The following ATXN1 variants were observed in gnomAD, a reference collection of about 807,000 sequenced individuals.
ATXN1 encodes the protein ataxin-1.
A neutral mutation model predicts 56.4 loss-of-function variants in ATXN1; 8 were observed. That is an observed-to-expected ratio of 0.14 (90% CI 0.08 to 0.26). ATXN1 has a LOEUF of 0.26. ATXN1 is among the 10% of genes least tolerant of loss of function. The pLI is 1.00. For missense variants in ATXN1, 987 were observed against 1,106.5 expected (o/e 0.89, Z 1.53); for synonymous variants, 514 against 494.6 (o/e 1.04, Z -0.52).
chr6:16,352,135 AAT>A (rs1295991848), intron 6 of ATXN1, among the ~76,000 whole-genome samples: 4 of 152,172 alleles, frequency 2.6e-5, no homozygotes, highest in Admixed American at 6.5e-5. Context: ...TTTCGCGAAT[AAT>A]ATAGTTTGCT....
At chr6:16,398,450 T>A (rs1049810912) in intron 6 of ATXN1, among the ~76,000 whole-genome samples, 5 of 152,140 alleles carry the variant, frequency 3.3e-5, no homozygotes, top group Non-Finnish European at 7.4e-5. Flanking sequence ...ATGGTGAAAA[T>A]AATATATATG....
intron 2 of ATXN1, among the ~76,000 whole-genome samples, chr6:16,726,138 T>C (rs987696854): frequency 6.6e-6 from 1 of 152,184 alleles, no homozygotes; most frequent in African/African-American, 2.4e-5. Flanking sequence ...CCCAGCACTT[T>C]GGGAGGCCAA....
chr6:16,637,009 G>T (rs1763609812), intron 3 of ATXN1, among the ~76,000 whole-genome samples: 1 of 152,150 alleles, frequency 6.6e-6, no homozygotes. Flanking sequence ...TATACCCAAA[G>T]GATTATAAAT....
chr6:16,439,419 A>AATGTGT (rs1759467971), intron 6 of ATXN1, among the ~76,000 whole-genome samples: 1 of 121,632 alleles, frequency 8.2e-6, no homozygotes, highest in Admixed American at 9.9e-5. Context: ...CTGACATCAG[A>AATGTGT]ATGTGTACCA....
intron 3 of ATXN1, among the ~76,000 whole-genome samples, chr6:16,636,790 A>C (rs1370941466): frequency 2.0e-5 from 3 of 152,242 alleles, no homozygotes; most frequent in Non-Finnish European, 2.9e-5. Flanking sequence ...TTAAAAAATA[A>C]TCTAAACTAA....
At chr6:16,422,050 T>TC in intron 6 of ATXN1, among the ~76,000 whole-genome samples, 1 of 152,112 alleles carries the variant, frequency 6.6e-6, no homozygotes, top group East Asian at 1.9e-4. Flanking sequence ...TATAAGGGTT[T>TC]TTTTTTTTAT....
At chr6:16,655,767 AT>A (rs200691786) in intron 3 of ATXN1, among the ~76,000 whole-genome samples, 86 of 150,554 alleles carry the variant, frequency 5.7e-4, no homozygotes, top group East Asian at 2.1e-3. Flanking sequence ...ACTGTGCCAC[AT>A]TTTTTTTTAA....
intron 2 of ATXN1, among the ~76,000 whole-genome samples, chr6:16,671,656 T>C (rs976305191): frequency 3.4e-4 from 52 of 152,224 alleles, no homozygotes; most frequent in African/African-American, 1.3e-3. Flanking sequence ...GAGTCATTAG[T>C]TCTTACTGAA....
At chr6:16,626,671 A>C (rs1160331612) in intron 3 of ATXN1, among the ~76,000 whole-genome samples, 4 of 152,164 alleles carry the variant, frequency 2.6e-5, no homozygotes, top group African/African-American at 9.7e-5. Context: ...TTTTCCCCCC[A>C]CAACCACTCA....
At chr6:16,602,244 G>A (rs1326913671) in intron 3 of ATXN1, among the ~76,000 whole-genome samples, 2 of 151,916 alleles carry the variant, frequency 1.3e-5, no homozygotes, top group Non-Finnish European at 2.9e-5. Flanking sequence ...TTTCTACTCC[G>A]TAATTCTTTC....
At chr6:16,461,861 C>T (rs12110544) in intron 6 of ATXN1, among the ~76,000 whole-genome samples, 43,280 of 151,918 alleles carry the variant, frequency 0.28, 6,696 homozygotes, top group Middle Eastern at 0.35. Flanking sequence ...CTTAAGGAAA[C>T]GAACACAAGA....
At chr6:16,391,824 T>C (rs1293186910) in intron 6 of ATXN1, among the ~76,000 whole-genome samples, 1 of 152,106 alleles carries the variant, frequency 6.6e-6, no homozygotes, top group Non-Finnish European at 1.5e-5. Context: ...TCTAATCCCT[T>C]TCAGTCTTTT....
At chr6:16,421,169 G>A (rs1021660873) in intron 6 of ATXN1, among the ~76,000 whole-genome samples, 3 of 152,004 alleles carry the variant, frequency 2.0e-5, no homozygotes, top group African/African-American at 7.2e-5. Flanking sequence ...AGGGTAGCAT[G>A]AGCTTTTTAA....
intron 7 of ATXN1, among the ~76,000 whole-genome samples, chr6:16,308,847 T>C (rs1401718622): frequency 6.6e-6 from 1 of 152,154 alleles, no homozygotes; most frequent in African/African-American, 2.4e-5. Flanking sequence ...GTCATACATA[T>C]AGACTTTACA....
At chr6:16,370,354 G>C (rs945152147) in intron 6 of ATXN1, among the ~76,000 whole-genome samples, 21 of 152,162 alleles carry the variant, frequency 1.4e-4, no homozygotes, top group African/African-American at 4.1e-4. Context: ...AGATCTAAAA[G>C]CTACAGATTT....
intron 2 of ATXN1, among the ~76,000 whole-genome samples, chr6:16,743,937 A>G (rs1286381073): frequency 2.6e-5 from 4 of 152,314 alleles, no homozygotes; most frequent in Middle Eastern, 3.4e-3. Flanking sequence ...CTCAAAACCT[A>G]TGGAGCCAGG....
chr6:16,681,162 G>C (rs3793104), intron 2 of ATXN1, among the ~76,000 whole-genome samples: 79,519 of 152,104 alleles, frequency 0.52, 21,445 homozygotes, highest in East Asian at 0.62. Context: ...TCTATTTAAT[G>C]GCTGTTGTAA....
intron 4 of ATXN1, among the ~76,000 whole-genome samples, chr6:16,569,483 C>A (rs1224258310): frequency 2.0e-5 from 3 of 149,504 alleles, no homozygotes; most frequent in Admixed American, 6.6e-5. Context: ...GCCAAGCTCA[C>A]ACCACTGCAC....
At chr6:16,342,209 C>G (rs998016766) in intron 6 of ATXN1, among the ~76,000 whole-genome samples, 22 of 152,032 alleles carry the variant, frequency 1.4e-4, no homozygotes, top group African/African-American at 4.8e-4. Context: ...ATTACAGCAG[C>G]CAATCCTTTT....
Sources: gnomAD v4.1 joint callset for allele counts (sites outside exome capture counted in the v4.1 genomes callset) on GRCh38, gnomAD v4.1.1 for gene constraint, MANE v1.5 for transcripts, NCBI Gene and HGNC (gene_info 2026-07-23, HGNC 2026-07-21) for gene names.